NPHS1: variants seen among roughly 807,000 people sequenced by gnomAD.
NPHS1 encodes NPHS1 adhesion molecule, nephrin.
NPHS1 carries 107 observed loss-of-function variants against 139.7 expected under a neutral mutation model. The ratio of observed to expected loss-of-function variants is 0.77; its 90% confidence interval spans 0.66 to 0.90. NPHS1 has a LOEUF of 0.90. Among genes scored for constraint, NPHS1 ranks in the 40% least tolerant of loss-of-function variants. The probability of loss-of-function intolerance (pLI) is 0.00; values close to 1 mark genes in which losing one functional copy is unlikely to be tolerated. For missense variants in NPHS1, 1,580 were observed against 1,654.2 expected, an observed-to-expected ratio of 0.96 and a Z score of 0.78; for synonymous variants, 707 against 706.6, an observed-to-expected ratio of 1.00 and a Z score of -0.01.
intron 4 of NPHS1, 42 bp downstream of exon 4, chr19:35,850,919 G>A: frequency 6.2e-7 from 1 of 1,611,852 alleles, no homozygotes; most frequent in Non-Finnish European, 8.5e-7. Flanking sequence ...CCACTCCAGA[G>A]GCTTCATGCT....
chr19:35,844,165 T>C lies in NPHS1; in HGVS notation c.2150A>G (p.Tyr717Cys). Residue 717 changes from tyrosine to cysteine, a missense_variant, in exon 16 of 29, where the codon TAT becomes TGT. Physicochemically the swap from Tyr to Cys is radical, Grantham distance 194 (BLOSUM62 -2). Transcript: ENST00000378910. ...WNVTRADDGL[Y>C]QLHCQNSEGT... is the part of the protein sequence containing the mutation. ...CTCAGAGTTCTGGCAGTGCAGCTGA[T>C]AGAGGCCGTCGTCCGCGCGGGTCAC... The C allele has an allele frequency of 2.5e-6, 4 of 1,610,830 alleles. No homozygotes were observed. Among genetic ancestry groups the C allele is most frequent in the Non-Finnish European group, 3.4e-6 (4 of 1,179,988 alleles).
intron 22 of NPHS1, among the ~76,000 whole-genome samples, 157 bp from the exon 23 acceptor site, chr19:35,835,918 G>A (rs1366360080): frequency 6.7e-6 from 1 of 150,364 alleles, no homozygotes; most frequent in Non-Finnish European, 1.5e-5. Context: ...TGATAATAAT[G>A]ACAATACTAT....
chr19:35,850,697 C>A (rs1014398520), intron 4 of NPHS1, among the ~76,000 whole-genome samples: 2 of 152,158 alleles, frequency 1.3e-5, no homozygotes, highest in Non-Finnish European at 2.9e-5. Context: ...CCCTATCCCT[C>A]AGCTTCTCAT....
At position 35,851,244 on chromosome 19, in the gene NPHS1, G is replaced by T. The variant is rs372529439; in HGVS notation, c.397+18C>A. 13 of 1,613,916 alleles carry T rather than the reference G, an allele frequency of 8.1e-6. No homozygotes were observed. The highest frequency in any genetic ancestry group is 1.0e-5 in the Non-Finnish European group (12 of 1,179,906). On this transcript the variant is annotated intron_variant, in intron 3 of 28. Transcript: ENST00000378910. ...TTGAAGCCCAGACTCATGGGTCCTGGGCGTCTCTCACCCATACCCAGGATG... is the reference window on the plus strand; with the variant it reads ...TTGAAGCCCAGACTCATGGGTCCTGTGCGTCTCTCACCCATACCCAGGATG...
chr19:35,831,866 G>T, intron 23 of NPHS1, 104 bp from the exon 24 acceptor site: 2 of 1,274,158 alleles, frequency 1.6e-6, no homozygotes, highest in Non-Finnish European at 1.1e-6. Flanking sequence ...CTCCCCCAGG[G>T]TCAGAGAAAC....
chr19:35,825,612 C>G lies in NPHS1; in HGVS notation c.*902G>C, dbSNP rs1972791524. ...TCTCTGCCACCGTAGATTAGTTTTG[C>G]CTATTTTAGAATTTCTATAAACGAA... On this transcript the variant is annotated 3_prime_UTR_variant, in exon 29 of 29. Transcript: ENST00000378910. Among the ~76,000 whole-genome samples, 1 of 152,094 alleles carries G rather than the reference C, an allele frequency of 6.6e-6. No homozygotes were observed. The highest frequency in any genetic ancestry group is 1.5e-5 in the Non-Finnish European group (1 of 68,030).
intron 15 of NPHS1, 23 bp from the exon 16 acceptor site, chr19:35,844,266 A>G: frequency 6.2e-7 from 1 of 1,613,662 alleles, no homozygotes; most frequent in African/African-American, 1.3e-5. Flanking sequence ...AGAATAAGGG[A>G]CCTGGCAGGA....
chr19:35,845,932 G>T lies in NPHS1; in HGVS notation c.1627+76C>A. The T allele has an allele frequency of 2.0e-6, 3 of 1,528,684 alleles. No individual in the cohort carries two copies. The highest frequency in any genetic ancestry group is 2.6e-6 in the Non-Finnish European group (3 of 1,134,128). 94.7% of individuals were successfully genotyped at this position (1,528,684 alleles called of 1,614,324 possible). A position where few individuals can be genotyped will look rare whatever the true frequency, so the allele number is the denominator to read the frequency against. ...CTCCGCCCGCTTTCCCCGGGTCCAGGGTTCGCTGGGTCCCTGCCCCACCTG... is the reference window on the plus strand; with the variant it reads ...CTCCGCCCGCTTTCCCCGGGTCCAGTGTTCGCTGGGTCCCTGCCCCACCTG... On this transcript the variant is annotated intron_variant, in intron 12 of 28. Coordinates refer to ENST00000378910, the MANE Select transcript of NPHS1 (RefSeq NM_004646.4). This position sits in a 1 kb window ranked among gnomAD's most constrained non-coding sequence, Gnocchi z 5.5.
chr19:35,836,052 C>T (rs1364286935), intron 22 of NPHS1, among the ~76,000 whole-genome samples: 1 of 146,146 alleles, frequency 6.8e-6, no homozygotes, highest in Non-Finnish European at 1.5e-5. Flanking sequence ...CTCTGCCTCC[C>T]GGGTTCAAGC....
In NPHS1 at chr19:35,848,416, C is replaced by T. The variant is rs375119248; in HGVS notation, c.1171-19G>A. On this transcript the variant is annotated intron_variant, in intron 9 of 28. Coordinates refer to ENST00000378910, the MANE Select transcript of NPHS1 (RefSeq NM_004646.4). ...GCAGTCCCTGGCAGGGAGTGAGCTT[C>T]AGACGTGGGGACTGCAGCACCCCTA... 85 of 1,614,088 alleles carry T rather than the reference C, an allele frequency of 5.3e-5. No homozygotes were observed. The highest frequency in any genetic ancestry group is 7.0e-5 in the Non-Finnish European group (83 of 1,180,014).
chr19:35,834,155 T>C (rs184915421), intron 23 of NPHS1, among the ~76,000 whole-genome samples: 199 of 152,300 alleles, frequency 1.3e-3, no homozygotes, highest in African/African-American at 4.6e-3. Context: ...TGACTCTGTG[T>C]TGAGCCATGT....
At position 35,845,840 on chromosome 19, in the gene NPHS1, G is replaced by A. The variant is rs377195742; in HGVS notation, c.1628-42C>T. The A allele has an allele frequency of 4.1e-5, 65 of 1,599,506 alleles. No individual in the cohort carries two copies. The highest frequency in any genetic ancestry group is 4.9e-5 in the Non-Finnish European group (57 of 1,170,706). On this transcript the variant is annotated intron_variant, in intron 12 of 28. Transcript: ENST00000378910. This position sits in a 1 kb window ranked among gnomAD's most constrained non-coding sequence, Gnocchi z 5.5. ...GAGGAGCGAGACTCAGAGGTTAGGG[G>A]CGGCCTGGTCTGCGTCCACCCCGCC...
In NPHS1 at chr19:35,839,368, G is replaced by A. The variant is rs1568452082; in HGVS notation, c.2978C>T (p.Pro993Leu). 2.5e-6 allele frequency: 4 copies of A among 1,614,170 alleles called. No homozygotes were observed. The highest frequency in any genetic ancestry group is 3.4e-6 in the Non-Finnish European group (4 of 1,180,024). Residue 993 changes from proline (P) to leucine (L), a missense_variant, in exon 22 of 29, where the codon CCC (proline) becomes CTC (leucine). By Grantham distance (98) the Pro-to-Leu change is moderately conservative. Transcript: ENST00000378910. ...PGFHYVDVVP[P>L]QATTFTLTGL... ...AGTCAGCGTGAAGGTGGTGGCCTGG[G>A]GTGGTACGACATCCACATAGTGGAA...
rs375850300 is a variant in NPHS1, at chr19:35,841,584, G to C, written c.2815+131C>G. The C allele has an allele frequency of 2.1e-4, 218 of 1,043,056 alleles. 1 individual carries two copies. The African/African-American group carries it at 2.4e-3, about 12-fold the overall frequency. 64.6% of individuals were successfully genotyped at this position (1,043,056 alleles called of 1,614,324 possible). On this transcript the variant is annotated intron_variant, in intron 20 of 28. Transcript: ENST00000378910. Reference sequence around the variant, plus strand: ...GTCTCCATTAGGATTTTCAGGGCAGGCAAAAACTCCATCCTCACACATACA... The same window carrying C: ...GTCTCCATTAGGATTTTCAGGGCAGCCAAAAACTCCATCCTCACACATACA...
rs760160384 is a variant in NPHS1, at chr19:35,826,577, G to T, written c.3663C>A (p.Ala1221=). 3.7e-6 allele frequency: 6 copies of T among 1,613,790 alleles called. No individual in the cohort carries two copies. Among genetic ancestry groups the T allele is most frequent in the Non-Finnish European group, 3.4e-6 (4 of 1,180,006 alleles). ...CGGGTTCCAGAGTGTCCAAGTCTCC[G>T]GCCACCTGGTCATAGATTCCTCTTG... ...QDPRGIYDQV[A]GDLDTLEPDS... is the part of the protein sequence containing the mutation. Residue 1221 remains alanine, a synonymous_variant, in exon 29 of 29, where the codon GCC becomes GCA. Coordinates refer to ENST00000378910, the MANE Select transcript of NPHS1 (RefSeq NM_004646.4).
Position 35,851,773 on chromosome 19 carries a change from C to G in NPHS1, c.58+7G>C, listed in dbSNP as rs1315632845. On this transcript the variant is annotated splice_region_variant and intron_variant, in intron 1 of 28. Coordinates refer to ENST00000378910, the MANE Select transcript of NPHS1 (RefSeq NM_004646.4). ...GGCGCTGGGTACAAGGCTGGGATCC[C>G]ACTCACCTTCAGTCAGCAGCCCCAG... 6 of 1,554,034 alleles carry G rather than the reference C, an allele frequency of 3.9e-6. No individual in the cohort carries two copies. The Admixed American group carries it at 1.2e-4, about 30-fold the overall frequency.
chr19:35,848,014 C>A (rs1973168439), intron 11 of NPHS1, 27 bp downstream of exon 11: 1 of 1,612,110 alleles, frequency 6.2e-7, no homozygotes, highest in African/African-American at 1.3e-5. Context: ...TTCCTGGCCA[C>A]CCCCATAGCC....
chr19:35,845,608 G>A lies in NPHS1; in HGVS notation c.1757+61C>T. 1.2e-6 allele frequency: 2 copies of A among 1,605,776 alleles called. No homozygotes were observed. Among genetic ancestry groups the A allele is most frequent in the South Asian group, 1.1e-5 (1 of 90,274 alleles). Reference sequence around the variant, plus strand: ...GGCTGGAGAGGCACTAGGCGGGGGCGGGACATGCGTGGAGGGGGCGAGGCC... The same window carrying A: ...GGCTGGAGAGGCACTAGGCGGGGGCAGGACATGCGTGGAGGGGGCGAGGCC... On this transcript the variant is annotated intron_variant, in intron 13 of 28. Transcript: ENST00000378910. This position sits in a 1 kb window ranked among gnomAD's most constrained non-coding sequence, Gnocchi z 5.5.
chr19:35,833,483 TG>T, intron 23 of NPHS1, among the ~76,000 whole-genome samples: 1 of 152,186 alleles, frequency 6.6e-6, no homozygotes, highest in East Asian at 1.9e-4. Context: ...TGACCCAACG[TG>T]TGTTTTTAAC....
Sources: gnomAD v4.1 joint callset for allele counts (sites outside exome capture counted in the v4.1 genomes callset) on GRCh38, gnomAD v4.1.1 for gene constraint, Gnocchi (gnomAD v3.1) non-coding constraint, MANE v1.5 for transcripts, NCBI Gene and HGNC (gene_info 2026-07-23, HGNC 2026-07-21) for gene names.